Variants in CMIP observed in about 807,000 individuals in gnomAD.
CMIP encodes the protein C-Maf-inducing protein.
CMIP carries 13 observed loss-of-function variants against 97.3 expected under a neutral mutation model. The ratio of observed to expected loss-of-function variants is 0.13; its 90% CI spans 0.09 to 0.21. The LOEUF (loss-of-function observed/expected upper bound fraction) is 0.21, where lower values mean the gene tolerates loss of function less well. CMIP is among the 10% of genes least tolerant of loss of function. CMIP has a pLI of 1.00. For missense variants in CMIP, 847 were observed against 1,024.9 expected, an observed-to-expected ratio of 0.83 and a Z score of 2.37; for synonymous variants, 538 against 436.3, an observed-to-expected ratio of 1.23 and a Z score of -2.91.
At chr16:81,691,580 C>A (rs1032001887) in intron 10 of CMIP, 195 bp from the exon 11 acceptor site, 1 of 621,648 alleles carries the variant, frequency 1.6e-6, no homozygotes, top group Non-Finnish European at 2.9e-6. Flanking sequence ...TCTGCACAGG[C>A]CCAGTTGTGA....
chr16:81,614,559 G>A lies in CMIP; in HGVS notation c.427-6317G>A, dbSNP rs570924858. Among the ~76,000 whole-genome samples, 2 of 152,294 alleles carry A rather than the reference G, an allele frequency of 1.3e-5. No homozygotes were observed. The highest frequency in any genetic ancestry group is 3.9e-4 in the East Asian group (2 of 5,172). On this transcript the variant is annotated intron_variant, in intron 2 of 20. Coordinates refer to ENST00000537098, the MANE Select transcript of CMIP (RefSeq NM_198390.3). This position sits in a 1 kb window ranked among gnomAD's most constrained non-coding sequence, Gnocchi z 5.3. ...TGGTTTCCCCAGTGGAAATGTGGCA[G>A]TGGAGGAAAGGTTGGGTTAGACCTG...
At chr16:81,447,142 G>T (rs1390238013) in intron 1 of CMIP, among the ~76,000 whole-genome samples, 3 of 152,194 alleles carry the variant, frequency 2.0e-5, no homozygotes, top group African/African-American at 4.8e-5. Context: ...CTGATGTGGG[G>T]AGGAACTGGT....
At chr16:81,470,734 G>A (rs58289676) in intron 1 of CMIP, among the ~76,000 whole-genome samples, 10,288 of 152,292 alleles carry the variant, frequency 0.068, 389 homozygotes, top group South Asian at 0.11. Flanking sequence ...CTGGGATTAC[G>A]AGCATGAGCC....
At chr16:81,609,688 T>C (rs2091800082) in intron 2 of CMIP, among the ~76,000 whole-genome samples, 1 of 151,736 alleles carries the variant, frequency 6.6e-6, no homozygotes, top group Non-Finnish European at 1.5e-5. Flanking sequence ...TTGAACTGGG[T>C]GTAGAGGGAT....
At chr16:81,706,294 G>A (rs937246922) in intron 19 of CMIP, among the ~76,000 whole-genome samples, 1 of 152,214 alleles carries the variant, frequency 6.6e-6, no homozygotes, top group African/African-American at 2.4e-5. Flanking sequence ...GTTGAGTCTG[G>A]GTGTGAAGAC....
At chr16:81,635,077 G>C (rs1352100624) in intron 3 of CMIP, among the ~76,000 whole-genome samples, 1 of 152,208 alleles carries the variant, frequency 6.6e-6, no homozygotes, top group Non-Finnish European at 1.5e-5. Flanking sequence ...CAGAGGAAGA[G>C]CAGGCTCTGG....
intron 3 of CMIP, among the ~76,000 whole-genome samples, chr16:81,639,305 G>A (rs916009824): frequency 1.3e-5 from 2 of 152,272 alleles, no homozygotes; most frequent in Non-Finnish European, 2.9e-5. Flanking sequence ...ATTTGAACCA[G>A]GTTTAGGTGG....
At chr16:81,521,268 G>A (rs980621589) in intron 1 of CMIP, among the ~76,000 whole-genome samples, 3 of 152,202 alleles carry the variant, frequency 2.0e-5, no homozygotes, top group Non-Finnish European at 4.4e-5. Context: ...CTGAGCGGAT[G>A]GTACTGCACG....
rs1463631236 is a variant in CMIP, at chr16:81,621,835, A to G, written c.477+909A>G. ...TCATGGCTCCAGAGGGGCTCCCCCA[A>G]CGGCCAGGGTTGGGGGCAGAAAGGC... On this transcript the variant is annotated intron_variant, in intron 3 of 20. Transcript: ENST00000537098. This position sits in a 1 kb window ranked among gnomAD's most constrained non-coding sequence, Gnocchi z 4.1. 6.6e-6 allele frequency: 1 copy of G among 152,332 alleles called. No individual in the cohort carries two copies. The highest frequency in any genetic ancestry group is 2.4e-5 in the African/African-American group (1 of 41,434). 9.4% of individuals were successfully genotyped at this position (152,332 alleles called of 1,614,324 possible). A position where few individuals can be genotyped will look rare whatever the true frequency, so the allele number is the denominator to read the frequency against.
chr16:81,588,742 G>C (rs1463026146), intron 1 of CMIP, among the ~76,000 whole-genome samples: 1 of 152,174 alleles, frequency 6.6e-6, no homozygotes, highest in African/African-American at 2.4e-5. Context: ...GAAAGCCGGT[G>C]TGCTGTTTAG....
At chr16:81,664,979 G>T (rs919177559) in intron 7 of CMIP, 1 of 153,018 alleles carries the variant, frequency 6.5e-6, no homozygotes, top group Admixed American at 6.5e-5. Flanking sequence ...TACTCCCCAC[G>T]GTCAAGGTCA....
chr16:81,590,792 G>A (rs1303820219), intron 1 of CMIP, among the ~76,000 whole-genome samples: 2 of 152,080 alleles, frequency 1.3e-5, no homozygotes, highest in Non-Finnish European at 2.9e-5. Flanking sequence ...TGCAAAGAAA[G>A]CAAGGAGAGA....
rs2091246930 is a variant in CMIP at position 81,578,828 on chromosome 16, T to G, written c.301-28739T>G. ...TCCATGGCAGATAAGCCCGTGCCAT[T>G]GCAGGGAAGCCTTCACTCCAAAGCC... On this transcript the variant is annotated intron_variant, in intron 1 of 20. Coordinates refer to ENST00000537098, the MANE Select transcript of CMIP (RefSeq NM_198390.3). 2.0e-5 allele frequency among the ~76,000 whole-genome samples: 3 copies of G among 152,204 alleles called. No individual in the cohort carries two copies. The South Asian group carries it at 6.2e-4, about 31-fold the overall frequency.
intron 2 of CMIP, among the ~76,000 whole-genome samples, chr16:81,608,951 T>G: frequency 6.6e-6 from 1 of 152,202 alleles, no homozygotes; most frequent in South Asian, 2.1e-4. Context: ...CACTGGATTG[T>G]GTAACAGCAT....
Position 81,559,785 on chromosome 16 carries a change from C to T in CMIP, c.301-47782C>T, listed in dbSNP as rs377507422. On this transcript the variant is annotated intron_variant, in intron 1 of 20. Coordinates refer to ENST00000537098, the MANE Select transcript of CMIP (RefSeq NM_198390.3). ...CATTTTATTGTTATTTTGTGGTATA[C>T]TCCTTCTAGTTATAAAAAAATGAGC... 4.6e-5 allele frequency among the ~76,000 whole-genome samples: 7 copies of T among 152,194 alleles called. No individual in the cohort carries two copies. The South Asian group carries it at 6.2e-4, about 14-fold the overall frequency.
chr16:81,487,899 C>T (rs913746249), intron 1 of CMIP, among the ~76,000 whole-genome samples: 3 of 152,198 alleles, frequency 2.0e-5, no homozygotes, highest in African/African-American at 2.4e-5. Flanking sequence ...TCTGCAAACA[C>T]GGTTACTAGA....
intron 13 of CMIP, among the ~76,000 whole-genome samples, chr16:81,693,803 T>G (rs553003415): frequency 6.6e-6 from 1 of 152,338 alleles, no homozygotes; most frequent in African/African-American, 2.4e-5. Context: ...TGATCCTGTC[T>G]GGTTCTGCTA....
chr16:81,510,165 C>T (rs534905872), intron 1 of CMIP, among the ~76,000 whole-genome samples: 9 of 152,264 alleles, frequency 5.9e-5, no homozygotes, highest in East Asian at 1.9e-4. Flanking sequence ...CATCCTGCTG[C>T]GGGGCTGCCA....
intron 1 of CMIP, among the ~76,000 whole-genome samples, chr16:81,496,209 C>G (rs2089487875): frequency 6.6e-6 from 1 of 152,076 alleles, no homozygotes; most frequent in Non-Finnish European, 1.5e-5. Flanking sequence ...AGGGCCTGGA[C>G]CATAGTAGGT....
Sources: allele counts gnomAD v4.1 joint callset (sites outside exome capture counted in the v4.1 genomes callset), GRCh38; gene constraint gnomAD v4.1.1; non-coding constraint Gnocchi (gnomAD v3.1); transcripts MANE v1.5; gene names NCBI Gene and HGNC (gene_info 2026-07-23, HGNC 2026-07-21).